Variants in PPARGC1A observed in about 807,000 individuals in gnomAD.
The protein encoded by PPARGC1A is peroxisome proliferator-activated receptor gamma coactivator 1-alpha.
A neutral mutation model predicts 88.7 loss-of-function variants in PPARGC1A; 25 were observed. The ratio of observed to expected loss-of-function variants is 0.28; its 90% CI spans 0.21 to 0.39. The LOEUF (loss-of-function observed/expected upper bound fraction) is 0.39. Ranked by LOEUF, PPARGC1A falls within the 10% of genes least tolerant of loss-of-function variation. The pLI, the probability that PPARGC1A is intolerant of heterozygous loss-of-function variation, is 1.00. For missense variants in PPARGC1A, 880 were observed against 968.7 expected (o/e 0.91, Z 1.22); for synonymous variants, 363 against 355.6 (o/e 1.02, Z -0.24).
chr4:24,342,972 C>T, the PPARGC1A span, among the ~76,000 whole-genome samples: 1 of 152,182 alleles, frequency 6.6e-6, no homozygotes, highest in East Asian at 1.9e-4. Context: ...AAATCTGACC[C>T]ACTGTGCCAT....
the PPARGC1A span, among the ~76,000 whole-genome samples, chr4:24,242,843 C>A: frequency 6.6e-6 from 1 of 152,048 alleles, no homozygotes; most frequent in East Asian, 1.9e-4. Flanking sequence ...GATGCCAGCC[C>A]CTCACCATCC....
At chr4:23,958,582 T>C in the PPARGC1A span, among the ~76,000 whole-genome samples, 1 of 152,154 alleles carries the variant, frequency 6.6e-6, no homozygotes, top group Non-Finnish European at 1.5e-5. Context: ...TTTTCTCAAA[T>C]ACAAGGGAGT....
At chr4:23,905,459 A>G (rs555069728), upstream of PPARGC1A, among the ~76,000 whole-genome samples, 2 of 152,258 alleles carry the variant, frequency 1.3e-5, no homozygotes, top group Non-Finnish European at 2.9e-5. Flanking sequence ...AACAAGTCTA[A>G]GGAATGGAAA....
chr4:24,460,541 T>C, the PPARGC1A span, among the ~76,000 whole-genome samples: 1 of 151,626 alleles, frequency 6.6e-6, no homozygotes, highest in Non-Finnish European at 1.5e-5. Context: ...GAGAAATAAT[T>C]TTTAAATTCT....
chr4:24,331,785 A>AT, the PPARGC1A span, among the ~76,000 whole-genome samples: 2 of 150,372 alleles, frequency 1.3e-5, no homozygotes, highest in Non-Finnish European at 1.5e-5. Context: ...ATATATATAT[A>AT]TTTTAAGTTC....
the PPARGC1A span, among the ~76,000 whole-genome samples, chr4:24,264,302 A>G: frequency 6.6e-6 from 1 of 152,104 alleles, no homozygotes; most frequent in African/African-American, 2.4e-5. Context: ...CACACACTCA[A>G]TTTCCAGTTA....
chr4:24,336,329 G>A, the PPARGC1A span, among the ~76,000 whole-genome samples: 1 of 152,094 alleles, frequency 6.6e-6, no homozygotes, highest in African/African-American at 2.4e-5. Flanking sequence ...TCTCGAGCTG[G>A]GATATTTTCT....
chr4:24,435,040 T>C, the PPARGC1A span, among the ~76,000 whole-genome samples: 1 of 152,236 alleles, frequency 6.6e-6, no homozygotes, highest in Admixed American at 6.5e-5. Flanking sequence ...GAAACGTCCC[T>C]TCTTGTTTAT....
the PPARGC1A span, among the ~76,000 whole-genome samples, chr4:24,469,925 G>T: frequency 1.1e-4 from 16 of 152,068 alleles, no homozygotes; most frequent in Admixed American, 5.2e-4. Context: ...TCCAGCCGCA[G>T]CCCTTCGCTT....
At chr4:24,429,822 T>C in the PPARGC1A span, among the ~76,000 whole-genome samples, 1 of 151,896 alleles carries the variant, frequency 6.6e-6, no homozygotes, top group Admixed American at 6.6e-5. Flanking sequence ...TGGCTACTTT[T>C]TATATTTTTG....
the PPARGC1A span, among the ~76,000 whole-genome samples, chr4:24,219,981 T>C: frequency 2.6e-5 from 4 of 152,150 alleles, no homozygotes; most frequent in East Asian, 7.7e-4. Context: ...GTCAATTCAT[T>C]TTGAGGACTA....
At chr4:24,285,528 G>T in the PPARGC1A span, among the ~76,000 whole-genome samples, 1 of 152,194 alleles carries the variant, frequency 6.6e-6, no homozygotes, top group Non-Finnish European at 1.5e-5. Context: ...TTACTATGGC[G>T]AGTGTTGTCA....
the PPARGC1A span, among the ~76,000 whole-genome samples, chr4:24,077,335 C>G: frequency 6.6e-6 from 1 of 152,100 alleles, no homozygotes; most frequent in South Asian, 2.1e-4. Context: ...TCTGAAAATA[C>G]TTTATTCCAT....
At chr4:24,375,256 C>T in the PPARGC1A span, among the ~76,000 whole-genome samples, 1 of 124,668 alleles carries the variant, frequency 8.0e-6, no homozygotes, top group Non-Finnish European at 1.9e-5. Context: ...AGACACCACA[C>T]ATTTCAGTTA....
the PPARGC1A span, among the ~76,000 whole-genome samples, chr4:24,013,984 A>G: frequency 7.9e-5 from 12 of 152,148 alleles, no homozygotes; most frequent in African/African-American, 2.9e-4. Context: ...CAGGGAAATA[A>G]AAGAAGTGTA....
At chr4:24,406,259 T>C in the PPARGC1A span, among the ~76,000 whole-genome samples, 27 of 152,346 alleles carry the variant, frequency 1.8e-4, no homozygotes, top group African/African-American at 5.8e-4. Flanking sequence ...CACAGCCATC[T>C]TCCCACAAGA....
At chr4:24,229,204 A>C in the PPARGC1A span, among the ~76,000 whole-genome samples, 1 of 100,990 alleles carries the variant, frequency 9.9e-6, no homozygotes, top group East Asian at 3.2e-4. Context: ...CCCAGGCTGG[A>C]GTACAGTGGC....
chr4:24,259,416 C>A, the PPARGC1A span, among the ~76,000 whole-genome samples: 1 of 152,158 alleles, frequency 6.6e-6, no homozygotes, highest in Non-Finnish European at 1.5e-5. Flanking sequence ...GCTTAAATAC[C>A]TGCTCAGTGA....
chr4:24,017,529 A>G, the PPARGC1A span, among the ~76,000 whole-genome samples: 1 of 152,292 alleles, frequency 6.6e-6, no homozygotes. Flanking sequence ...GATAGCGCAC[A>G]TACAGAGAGA....
Sources: allele counts gnomAD v4.1 joint callset (sites outside exome capture counted in the v4.1 genomes callset), GRCh38; gene constraint gnomAD v4.1.1; transcripts MANE v1.5; gene names NCBI Gene and HGNC (gene_info 2026-07-23, HGNC 2026-07-21).